Variants in DLG2 observed in about 807,000 individuals in gnomAD.
The protein encoded by DLG2 is disks large homolog 2.
Under a neutral mutation model 132.5 loss-of-function variants are expected in DLG2, and 45 were observed. The observed-to-expected ratio is 0.34, with a 90% confidence interval of 0.27 to 0.44. DLG2 has a LOEUF of 0.44. Among genes scored for constraint, DLG2 ranks in the 20% least tolerant of loss-of-function variants. The pLI is 1.00. For synonymous variants in DLG2, 424 were observed against 419.6 expected, an observed-to-expected ratio of 1.01 and a Z score of -0.13; for missense variants, 1,045 against 1,196.9, an observed-to-expected ratio of 0.87 and a Z score of 1.87.
chr11:84,594,192 T>G (rs1005766008), intron 6 of DLG2, among the ~76,000 whole-genome samples: 6 of 152,182 alleles, frequency 3.9e-5, no homozygotes, highest in African/African-American at 7.2e-5. Context: ...GAAGATGCTG[T>G]AACAAGCAAT....
At chr11:85,461,259 T>C (rs1213236) in intron 3 of DLG2, among the ~76,000 whole-genome samples, 137,612 of 152,258 alleles carry the variant, frequency 0.9, 62,483 homozygotes, top group Middle Eastern at 0.95. Flanking sequence ...TTTTCAGCCT[T>C]AAGTTTATTA....
At chr11:84,391,710 C>T (rs984829905) in intron 7 of DLG2, among the ~76,000 whole-genome samples, 5 of 150,854 alleles carry the variant, frequency 3.3e-5, no homozygotes, top group African/African-American at 1.2e-4. Context: ...GGAAAGCAAA[C>T]AAAACTAGAT....
At chr11:84,730,964 C>T (rs911905425) in intron 6 of DLG2, among the ~76,000 whole-genome samples, 2 of 151,968 alleles carry the variant, frequency 1.3e-5, no homozygotes, top group Non-Finnish European at 2.9e-5. Flanking sequence ...GAGCTGCAAG[C>T]ATAATGGTTC....
intron 6 of DLG2, among the ~76,000 whole-genome samples, chr11:84,875,753 T>G (rs181924802): frequency 1.3e-5 from 2 of 152,260 alleles, no homozygotes; most frequent in East Asian, 3.9e-4. Context: ...CCTTTTTTTT[T>G]GAGATGGAGT....
At chr11:83,999,392 G>A (rs115884430) in intron 11 of DLG2, among the ~76,000 whole-genome samples, 1,989 of 152,210 alleles carry the variant, frequency 0.013, 32 homozygotes, top group African/African-American at 0.046. Context: ...CACAGCCACT[G>A]CCAATGCCAG....
At chr11:85,508,804 C>A (rs1041543509) in intron 3 of DLG2, among the ~76,000 whole-genome samples, 6 of 151,746 alleles carry the variant, frequency 4.0e-5, no homozygotes, top group Non-Finnish European at 5.9e-5. Flanking sequence ...GCTATTATTC[C>A]GAGACAGTAA....
At position 85,004,051 on chromosome 11, in the gene DLG2, C is replaced by A. The variant is rs1813800976; in HGVS notation, c.357+107610G>T. On this transcript the variant is annotated intron_variant, in intron 6 of 27. Transcript: ENST00000376104. ...CATGTCCCTGCAAAGGACATGAACT[C>A]ATCCTTTTTTATGGCTGCATACTAT... 2.6e-5 allele frequency among the ~76,000 whole-genome samples: 4 copies of A among 152,184 alleles called. No homozygotes were observed. The South Asian group carries it at 8.3e-4, about 31-fold the overall frequency.
rs556763097 is a variant in DLG2 at position 83,676,702 on chromosome 11, T to C, written c.1826-43377A>G. ...AGTAGGGAATACTTCCAACAATGCA[T>C]TCTGCCTTTCCACCTAGAAAACTAC... On this transcript the variant is annotated intron_variant, in intron 18 of 27. Coordinates refer to ENST00000376104, the MANE Select transcript of DLG2 (RefSeq NM_001142699.3). Among the ~76,000 whole-genome samples the C allele has an allele frequency of 4.6e-5, 7 of 152,302 alleles. No homozygotes were observed. The East Asian group carries it at 1.4e-3, about 29-fold the overall frequency.
At chr11:83,478,976 A>C (rs2137086557) in intron 22 of DLG2, among the ~76,000 whole-genome samples, 1 of 152,212 alleles carries the variant, frequency 6.6e-6, no homozygotes, top group South Asian at 2.1e-4. Flanking sequence ...GATAATAATA[A>C]AATTATAAAA....
chr11:84,116,656 C>T (rs1566572301), intron 9 of DLG2, among the ~76,000 whole-genome samples: 1 of 152,178 alleles, frequency 6.6e-6, no homozygotes, highest in African/African-American at 2.4e-5. Context: ...ATGGTATCTA[C>T]AGTTCAAGAT....
intron 6 of DLG2, among the ~76,000 whole-genome samples, chr11:85,059,122 T>C (rs772054630): frequency 6.6e-6 from 1 of 151,464 alleles, no homozygotes; most frequent in South Asian, 2.1e-4. Context: ...ATAGGACTCA[T>C]ATTCAGAATA....
intron 6 of DLG2, among the ~76,000 whole-genome samples, chr11:84,735,280 G>A (rs1455770521): frequency 1.3e-5 from 2 of 152,014 alleles, no homozygotes; most frequent in African/African-American, 4.8e-5. Flanking sequence ...GACTTTTTTG[G>A]TTGGTAGGCT....
intron 6 of DLG2, among the ~76,000 whole-genome samples, chr11:85,004,045 T>C (rs918789129): frequency 2.6e-5 from 4 of 152,210 alleles, no homozygotes; most frequent in Admixed American, 1.3e-4. Flanking sequence ...GCAAAGGACA[T>C]GAACTCATCC....
chr11:85,292,899 T>C (rs752568644), intron 3 of DLG2, among the ~76,000 whole-genome samples: 1 of 151,604 alleles, frequency 6.6e-6, no homozygotes, highest in East Asian at 1.9e-4. Context: ...AAATTATGAG[T>C]CTAGTACATC....
intron 6 of DLG2, among the ~76,000 whole-genome samples, chr11:85,088,465 A>C (rs1460768496): frequency 6.6e-6 from 1 of 152,238 alleles, no homozygotes; most frequent in Non-Finnish European, 1.5e-5. Flanking sequence ...ACTGGGGAAG[A>C]GAATCATATA....
chr11:84,004,413 G>A (rs1413089768), intron 11 of DLG2, among the ~76,000 whole-genome samples: 1 of 151,888 alleles, frequency 6.6e-6, no homozygotes, highest in Non-Finnish European at 1.5e-5. Context: ...TGTTCAACAA[G>A]CTAGGCAGAG....
chr11:85,240,836 A>C (rs2075841911), intron 4 of DLG2, among the ~76,000 whole-genome samples: 1 of 151,814 alleles, frequency 6.6e-6, no homozygotes, highest in African/African-American at 2.4e-5. Context: ...TAACTTTATA[A>C]TAATTCTTAA....
At chr11:85,381,749 ATTTGTAAATTTTTTT>A (rs2085910160) in intron 3 of DLG2, among the ~76,000 whole-genome samples, 2 of 152,142 alleles carry the variant, frequency 1.3e-5, no homozygotes, top group Admixed American at 6.5e-5. Context: ...AGACAATTCC[ATTTGTAAATTTTTTT>A]TTAAATTATT....
At chr11:84,428,900 A>T (rs991692512) in intron 7 of DLG2, among the ~76,000 whole-genome samples, 1 of 152,160 alleles carries the variant, frequency 6.6e-6, no homozygotes, top group Non-Finnish European at 1.5e-5. Flanking sequence ...TTTTAGTTTG[A>T]TGTCATTGTT....
Sources: gnomAD v4.1 joint callset for allele counts (sites outside exome capture counted in the v4.1 genomes callset) on GRCh38, gnomAD v4.1.1 for gene constraint, MANE v1.5 for transcripts, NCBI Gene and HGNC (gene_info 2026-07-23, HGNC 2026-07-21) for gene names.